The following PCDH15 variants were observed in gnomAD, a reference collection of about 807,000 sequenced individuals.
The protein encoded by PCDH15 is protocadherin-15.
In PCDH15, 129 loss-of-function variants were observed where a neutral mutation model predicts 178.5. The ratio of observed to expected loss-of-function variants is 0.72; its 90% CI spans 0.63 to 0.84. The LOEUF is 0.84. Ranked by LOEUF, PCDH15 falls within the 40% of genes least tolerant of loss-of-function variation. PCDH15 has a pLI of 0.00. For synonymous variants in PCDH15, 800 were observed against 732.0 expected (o/e 1.09, Z -1.50); for missense variants, 2,230 against 2,099.9 (o/e 1.06, Z -1.21).
intron 2 of PCDH15, among the ~76,000 whole-genome samples, chr10:55,023,365 A>C (rs1429831796): frequency 2.0e-5 from 3 of 152,110 alleles, no homozygotes; most frequent in Non-Finnish European, 4.4e-5. Flanking sequence ...ATAAAATCCC[A>C]ATGGCAATTT....
intron 2 of PCDH15, among the ~76,000 whole-genome samples, chr10:55,418,017 T>A (rs1464776460): frequency 6.6e-6 from 1 of 151,446 alleles, no homozygotes; most frequent in Non-Finnish European, 1.5e-5. Flanking sequence ...AAATGTCCAG[T>A]AGGAAAAGAT....
rs191076355 is a variant in PCDH15 at position 55,447,352 on chromosome 10, C to T, written c.-156+180273G>A. ...ATTCTATATCCAGGCAATTTATACT[C>T]AAGGGTAAGAGTTGAATAAAGGCAT... is the stretch of plus-strand genomic sequence containing the variant. On this transcript the variant is annotated intron_variant, in intron 2 of 5. Transcript: ENST00000613346. Among the ~76,000 whole-genome samples the T allele has an allele frequency of 1.6e-3, 240 of 152,038 alleles. 1 individual carries two copies. The highest frequency in any genetic ancestry group is 5.7e-3 in the African/African-American group (236 of 41,508).
chr10:53,859,950 G>A (rs2078993919), intron 27 of PCDH15, among the ~76,000 whole-genome samples: 1 of 152,256 alleles, frequency 6.6e-6, no homozygotes, highest in South Asian at 2.1e-4. Flanking sequence ...TCCCGGGATG[G>A]GGATCTACAT....
rs1377350088 is a variant in PCDH15 at position 54,153,262 on chromosome 10, T to G, written c.1622A>C (p.Asn541Thr). Residue 541 changes from asparagine to threonine, a missense_variant, in exon 14 of 38, where the codon AAT becomes ACT. Physicochemically the swap from Asn to Thr is moderately conservative, Grantham distance 65. Coordinates refer to ENST00000644397, the MANE Select transcript of PCDH15 (RefSeq NM_001384140.1). ...AAGGATTTCATATGTGATCTCCCCATTTGACCCTTCGTCTGCGTCGACTGC... is the reference window on the plus strand; with the variant it reads ...AAGGATTTCATATGTGATCTCCCCAGTTGACCCTTCGTCTGCGTCGACTGC... Reference protein sequence around the residue: ...LTAVDADEGSNGEITYEILVG... With the variant: ...LTAVDADEGSTGEITYEILVG... 1 of 1,613,794 alleles carries G rather than the reference T, an allele frequency of 6.2e-7. No homozygotes were observed. The highest frequency in any genetic ancestry group is 1.7e-5 in the Admixed American group (1 of 59,968).
chr10:54,270,063 T>A (rs2057949607), intron 8 of PCDH15, among the ~76,000 whole-genome samples: 2 of 152,080 alleles, frequency 1.3e-5, no homozygotes, highest in African/African-American at 4.8e-5. Context: ...TAGGTGGTAA[T>A]AAAATAAACT....
At chr10:54,014,176 G>T (rs753254801) in intron 20 of PCDH15, among the ~76,000 whole-genome samples, 2 of 152,034 alleles carry the variant, frequency 1.3e-5, no homozygotes, top group African/African-American at 4.8e-5. Context: ...AGAGGAAATG[G>T]ATACATTCCT....
At chr10:54,398,710 C>T (rs1951555700) in intron 3 of PCDH15, among the ~76,000 whole-genome samples, 1 of 151,878 alleles carries the variant, frequency 6.6e-6, no homozygotes, top group South Asian at 2.1e-4. Flanking sequence ...TTATTTGCTG[C>T]TGGATTATTT....
At chr10:55,350,417 C>G (rs1588943504) in intron 2 of PCDH15, among the ~76,000 whole-genome samples, 1 of 151,178 alleles carries the variant, frequency 6.6e-6, no homozygotes, top group East Asian at 1.9e-4. Context: ...TTTCAAAATC[C>G]TTTTTTTCTT....
chr10:54,095,345 C>A (rs2094682843), intron 15 of PCDH15, among the ~76,000 whole-genome samples: 1 of 151,634 alleles, frequency 6.6e-6, no homozygotes, highest in African/African-American at 2.4e-5. Context: ...GTTATTTTGT[C>A]ATTCATAATG....
chr10:54,077,279 G>A (rs919186733), intron 17 of PCDH15, among the ~76,000 whole-genome samples: 1 of 152,128 alleles, frequency 6.6e-6, no homozygotes, highest in Non-Finnish European at 1.5e-5. Flanking sequence ...TAAGTGTCCT[G>A]TCCAAGGAGA....
chr10:54,880,559 G>T (rs913033337), intron 3 of PCDH15, among the ~76,000 whole-genome samples: 4 of 151,532 alleles, frequency 2.6e-5, no homozygotes, highest in Admixed American at 6.6e-5. Context: ...AGTAAGAAAA[G>T]CAGTAAAGTG....
At chr10:55,216,557 T>TATC (rs941206658) in intron 1 of PCDH15, among the ~76,000 whole-genome samples, 5 of 151,874 alleles carry the variant, frequency 3.3e-5, no homozygotes, top group African/African-American at 9.7e-5. Flanking sequence ...GTTAACAATA[T>TATC]ATCTTTTATT....
chr10:53,867,507 ATTAT>A (rs748207344), intron 26 of PCDH15, among the ~76,000 whole-genome samples: 9 of 152,158 alleles, frequency 5.9e-5, no homozygotes, highest in Non-Finnish European at 1.3e-4. Context: ...AAGTACTATT[ATTAT>A]TTGTCAATTT....
intron 1 of PCDH15, among the ~76,000 whole-genome samples, chr10:55,219,505 C>G (rs1840807954): frequency 6.6e-6 from 1 of 151,470 alleles, no homozygotes; most frequent in Non-Finnish European, 1.5e-5. Flanking sequence ...TATATTGGTA[C>G]TCTCACTTTT....
chr10:54,251,789 T>C (rs1365162142), intron 8 of PCDH15, among the ~76,000 whole-genome samples: 1 of 152,160 alleles, frequency 6.6e-6, no homozygotes, highest in Non-Finnish European at 1.5e-5. Context: ...TTAAATCCTA[T>C]CTTTCTGTCT....
chr10:53,884,252 T>G (rs2080937495), intron 26 of PCDH15, among the ~76,000 whole-genome samples: 1 of 152,082 alleles, frequency 6.6e-6, no homozygotes, highest in African/African-American at 2.4e-5. Flanking sequence ...AAGACTATAT[T>G]TGAGGAAGAT....
intron 18 of PCDH15, among the ~76,000 whole-genome samples, chr10:54,049,502 A>G (rs954187708): frequency 6.6e-6 from 1 of 152,096 alleles, no homozygotes; most frequent in Non-Finnish European, 1.5e-5. Context: ...TTGGCTGTGG[A>G]TCTGCCATAG....
chr10:54,991,982 T>A (rs1285007890), intron 2 of PCDH15, among the ~76,000 whole-genome samples: 1 of 152,100 alleles, frequency 6.6e-6, no homozygotes, highest in Non-Finnish European at 1.5e-5. Flanking sequence ...TTATATAATA[T>A]CTTTCAGTTT....
chr10:54,151,266 C>T (rs371653489), intron 14 of PCDH15, among the ~76,000 whole-genome samples: 3 of 152,182 alleles, frequency 2.0e-5, no homozygotes, highest in Non-Finnish European at 2.9e-5. Flanking sequence ...GGAGGCCAGG[C>T]GTCGTGGCTG....
Sources: gnomAD v4.1 joint callset for allele counts (sites outside exome capture counted in the v4.1 genomes callset) on GRCh38, gnomAD v4.1.1 for gene constraint, MANE v1.5 for transcripts, NCBI Gene and HGNC (gene_info 2026-07-23, HGNC 2026-07-21) for gene names.